Variants in MUC17 observed in about 807,000 individuals in gnomAD.
MUC17 encodes the protein mucin-17.
Under a neutral mutation model 170.3 loss-of-function variants are expected in MUC17, and 190 were observed. The observed-to-expected ratio is 1.12, with a 90% CI of 0.99 to 1.26. The LOEUF is 1.26. Ranked by LOEUF, MUC17 falls within the 50% of genes most tolerant of loss-of-function variation. The pLI is 0.00. For missense variants in MUC17, 6,415 were observed against 5,530.0 expected (o/e 1.16, Z -5.08); for synonymous variants, 2,325 against 2,002.5 (o/e 1.16, Z -4.30).
Position 101,054,178 on chromosome 7 carries a change from C to T in MUC17, c.13363+742C>T, listed in dbSNP as rs867675206. Among the ~76,000 whole-genome samples the T allele has an allele frequency of 3.3e-5, 5 of 150,124 alleles. No individual in the cohort carries two copies. In the South Asian group the frequency reaches 1.1e-3, roughly 32 times the overall value. ...TCCCACTCCAAAATGTTTGGCTCCA[C>T]AGCTAAAACCTTATTTCCATTACTG... is the stretch of plus-strand genomic sequence containing the variant. On this transcript the variant is annotated intron_variant, in intron 11 of 12. Coordinates refer to ENST00000306151, the MANE Select transcript of MUC17 (RefSeq NM_001040105.2).
At chr7:101,031,528 A>G (rs1794278430) in intron 2 of MUC17, 73 bp from the exon 3 acceptor site, 2 of 1,433,118 alleles carry the variant, frequency 1.4e-6, no homozygotes, top group Non-Finnish European at 1.9e-6. Flanking sequence ...TAAAAAGCCC[A>G]ACTACAACAA....
intron 1 of MUC17, among the ~76,000 whole-genome samples, chr7:101,023,133 T>G (rs902126102): frequency 6.6e-6 from 1 of 152,118 alleles, no homozygotes; most frequent in African/African-American, 2.4e-5. Flanking sequence ...CTGGCGTTCC[T>G]GGGCTGGTAG....
In MUC17 at chr7:101,038,730, T is replaced by A; in HGVS notation, c.7314T>A (p.Pro2438=). The A allele has an allele frequency of 1.2e-6, 2 of 1,612,988 alleles. No individual in the cohort carries two copies. The highest frequency in any genetic ancestry group is 2.2e-5 in the South Asian group (2 of 91,068). ...CTTCTACTGAAGCCAGTTCATCTCC[T>A]ACAACTGCTGAAGGTACCAGCATAC... ...VTTSTEASSS[P]TTAEGTSIPT... is the part of the protein sequence containing the mutation. The change falls in exon 3 of 13, where the codon CCT becomes CCA. Residue 2438 remains proline (P), a synonymous_variant. Transcript: ENST00000306151.
At chr7:101,047,252 T>A (rs1794858771) in intron 3 of MUC17, among the ~76,000 whole-genome samples, 1 of 152,124 alleles carries the variant, frequency 6.6e-6, no homozygotes, top group Admixed American at 6.5e-5. Context: ...ACAACGACCA[T>A]CTAATTCTCA....
chr7:101,032,120 C>G lies in MUC17; in HGVS notation c.704C>G (p.Thr235Ser), dbSNP rs777204968. The change falls in exon 3 of 13, where the codon ACC (threonine) becomes AGC (serine). Residue 235 changes from threonine (T) to serine (S), a missense_variant. Physicochemically the swap from Thr to Ser is moderately conservative, Grantham distance 58 (BLOSUM62 1). Transcript: ENST00000306151. ...TMKVASSEAI[T>S]LLTTPVEIST... ...AAGGTGGCCAGTTCAGAGGCTATCA[C>G]CCTTTTGACAACTCCTGTTGAAATC... 8 of 1,613,440 alleles carry G rather than the reference C, an allele frequency of 5.0e-6. No individual in the cohort carries two copies. The African/African-American group carries it at 1.1e-4, about 22-fold the overall frequency.
chr7:101,042,919 C>T lies in MUC17; in HGVS notation c.11503C>T (p.Leu3835Phe), dbSNP rs1448849460. 2 of 1,614,100 alleles carry T rather than the reference C, an allele frequency of 1.2e-6. No homozygotes were observed. The highest frequency in any genetic ancestry group is 1.7e-6 in the Non-Finnish European group (2 of 1,180,014). ...GATGAGTCCTTCTGAGGCCAGCACA[C>T]TTTCAACACCTCCTGGTGATACCAG... is the stretch of plus-strand genomic sequence containing the variant. Reference protein sequence around the residue: ...SVMSPSEASTLSTPPGDTSTP... With the variant: ...SVMSPSEASTFSTPPGDTSTP... The change falls in exon 3 of 13, where the codon CTT (leucine) becomes TTT (phenylalanine). Residue 3835 changes from leucine to phenylalanine, a missense_variant. Leu to Phe is a conservative substitution (Grantham distance 22). Coordinates refer to ENST00000306151, the MANE Select transcript of MUC17 (RefSeq NM_001040105.2).
rs1231009043 is a variant in MUC17, at chr7:101,037,195, C to G, written c.5779C>G (p.Pro1927Ala). The change falls in exon 3 of 13, where the codon CCA (proline) becomes GCA (alanine). Residue 1927 changes from proline (P) to alanine (A), a missense_variant. Pro to Ala is a conservative substitution (Grantham distance 27). Transcript: ENST00000306151. ...CTCAACTCCTAGGGAAGGAAGGCCT[C>G]CATTAACAAGTATACCTGTCAGCAC... is the stretch of plus-strand genomic sequence containing the variant. The part of the protein sequence containing the change: ...PTSTPREGRP[P>A]LTSIPVSTTT... 1 of 1,611,068 alleles carries G rather than the reference C, an allele frequency of 6.2e-7. No individual in the cohort carries two copies. The highest frequency in any genetic ancestry group is 2.2e-5 in the East Asian group (1 of 44,620).
chr7:101,031,926 C>T lies in MUC17; in HGVS notation c.510C>T (p.Pro170=), dbSNP rs767825541. Residue 170 remains proline (P), a synonymous_variant, in exon 3 of 13, where the codon CCC becomes CCT. Coordinates refer to ENST00000306151, the MANE Select transcript of MUC17 (RefSeq NM_001040105.2). ...TMAFVSTAPL[P]SFEAYTSLTY... ...CTTTTGTCAGCACTGCACCTCTTCC[C>T]AGTTTTGAGGCCTACACATCTTTAA... The T allele has an allele frequency of 2.5e-6, 4 of 1,614,082 alleles. No homozygotes were observed. The highest frequency in any genetic ancestry group is 3.4e-6 in the Non-Finnish European group (4 of 1,180,038).
Position 101,036,701 on chromosome 7 carries a change from T to TC in MUC17, c.5286dup (p.Ser1763GlnfsTer3), listed in dbSNP as rs1794493472. ...ATACCTGTCAGCACCACGCCGGTAC[T>TC]CAGTTCTGAGGCTAGCACCCTTTCA... On this transcript the variant is annotated frameshift_variant, in exon 3 of 13. Coordinates refer to ENST00000306151, the MANE Select transcript of MUC17 (RefSeq NM_001040105.2). LOFTEE classifies it high-confidence loss of function. 1 of 1,604,688 alleles carries TC rather than the reference T, an allele frequency of 6.2e-7. No homozygotes were observed. The highest frequency in any genetic ancestry group is 8.5e-7 in the Non-Finnish European group (1 of 1,177,044).
chr7:101,036,502 A>G lies in MUC17; in HGVS notation c.5086A>G (p.Thr1696Ala), dbSNP rs775359730. 6.4e-7 allele frequency: 1 copy of G among 1,563,438 alleles called. No homozygotes were observed. Among genetic ancestry groups the G allele is most frequent in the Non-Finnish European group, 8.7e-7 (1 of 1,152,358 alleles). Residue 1696 changes from threonine (T) to alanine (A), a missense_variant, in exon 3 of 13, where the codon ACT becomes GCT. Physicochemically the swap from Thr to Ala is moderately conservative, Grantham distance 58. Transcript: ENST00000306151. ...TEGRTPLTSI[T>A]VRTTPVASSA... ...AGGAAGAACTCCTTTAACAAGTATA[A>G]CTGTCAGAACAACACCGGTGGCCAG...
Position 101,042,217 on chromosome 7 carries a change from G to T in MUC17, c.10801G>T (p.Val3601Phe), listed in dbSNP as rs776830918. 2.5e-6 allele frequency: 4 copies of T among 1,614,108 alleles called. No homozygotes were observed. In the South Asian group the frequency reaches 4.4e-5, roughly 18 times the overall value. The change falls in exon 3 of 13, where the codon GTT (valine) becomes TTT (phenylalanine). Residue 3601 changes from valine to phenylalanine, a missense_variant. Coordinates refer to ENST00000306151, the MANE Select transcript of MUC17 (RefSeq NM_001040105.2). ...SEASTPSTPS[V>F]DRSTPVTTST... ...GGCTAGCACACCTTCCACTCCTTCTGTTGACAGAAGCACACCTGTGACCAC... is the reference window on the plus strand; with the variant it reads ...GGCTAGCACACCTTCCACTCCTTCTTTTGACAGAAGCACACCTGTGACCAC...
At chr7:101,020,659 GC>G (rs989254040) in intron 1 of MUC17, among the ~76,000 whole-genome samples, 18 of 152,152 alleles carry the variant, frequency 1.2e-4, no homozygotes, top group African/African-American at 3.9e-4. Context: ...CCTGCTGTGT[GC>G]CCCAGGAATG....
intron 1 of MUC17, among the ~76,000 whole-genome samples, chr7:101,023,919 G>A (rs1378167151): frequency 2.0e-5 from 3 of 151,254 alleles, no homozygotes; most frequent in Non-Finnish European, 4.4e-5. Flanking sequence ...TTTTAATAAC[G>A]ATCACTGTGA....
At chr7:101,047,093 T>A (rs1417137267) in intron 3 of MUC17, among the ~76,000 whole-genome samples, 3 of 115,834 alleles carry the variant, frequency 2.6e-5, no homozygotes, top group Non-Finnish European at 3.7e-5. Flanking sequence ...AAAAAAAAAA[T>A]TAAAATAAAT....
In MUC17 at chr7:101,039,420, T is replaced by A. The variant is rs1562814399; in HGVS notation, c.8004T>A (p.Thr2668=). The change falls in exon 3 of 13, where the codon ACT becomes ACA. Residue 2668 remains threonine (T), a synonymous_variant. Coordinates refer to ENST00000306151, the MANE Select transcript of MUC17 (RefSeq NM_001040105.2). The stretch of plus-strand genomic sequence containing the variant: ...CCAGGACACTTGTGACCACTTCCAC[T>A]GGAACCAGTTCATCTCCTACAACTG... The part of the protein sequence containing the change: ...VDTRTLVTTS[T]GTSSSPTTAE... 1 of 1,612,312 alleles carries A rather than the reference T, an allele frequency of 6.2e-7. No homozygotes were observed. The highest frequency in any genetic ancestry group is 8.5e-7 in the Non-Finnish European group (1 of 1,179,388).
chr7:101,038,143 A>C lies in MUC17; in HGVS notation c.6727A>C (p.Thr2243Pro), dbSNP rs942119343. 4 of 1,613,210 alleles carry C rather than the reference A, an allele frequency of 2.5e-6. No homozygotes were observed. Among genetic ancestry groups the C allele is most frequent in the Non-Finnish European group, 3.4e-6 (4 of 1,179,848 alleles). ...TTCTGAGGCTAGCACCCTTTCAGCAACTCCTGTTGACACCAGCACACCTGT... is the reference window on the plus strand; with the variant it reads ...TTCTGAGGCTAGCACCCTTTCAGCACCTCCTGTTGACACCAGCACACCTGT... ...VTSEASTLSA[T>P]PVDTSTPVTT... The change falls in exon 3 of 13, where the codon ACT (threonine) becomes CCT (proline). Residue 2243 changes from threonine (T) to proline (P), a missense_variant. Physicochemically the swap from Thr to Pro is conservative, Grantham distance 38 (BLOSUM62 -1). Coordinates refer to ENST00000306151, the MANE Select transcript of MUC17 (RefSeq NM_001040105.2).
At chr7:101,055,202 C>T (rs1401249698) in intron 11 of MUC17, among the ~76,000 whole-genome samples, 1 of 151,502 alleles carries the variant, frequency 6.6e-6, no homozygotes, top group African/African-American at 2.4e-5. Context: ...GCAAATATAT[C>T]ACAAATCATA....
chr7:101,034,055 C>T lies in MUC17; in HGVS notation c.2639C>T (p.Ser880Phe). The change falls in exon 3 of 13, where the codon TCT becomes TTT. Residue 880 changes from serine (S) to phenylalanine (F), a missense_variant. Ser to Phe is a radical substitution (Grantham distance 155). Transcript: ENST00000306151. ...GTCAGCACCACACTGGTGGCCACTT[C>T]TGCAATCAGCACCCTTTCAACAACT... The part of the protein sequence containing the change: ...MPVSTTLVAT[S>F]AISTLSTTPV... 1.2e-6 allele frequency: 2 copies of T among 1,602,078 alleles called. No individual in the cohort carries two copies. Among genetic ancestry groups the T allele is most frequent in the Non-Finnish European group, 8.5e-7 (1 of 1,173,378 alleles).
chr7:101,053,471 A>C, intron 11 of MUC17, 35 bp downstream of exon 11: 44 of 1,554,100 alleles, frequency 2.8e-5, no homozygotes, highest in Middle Eastern at 1.7e-4. Flanking sequence ...AGAATGGCTC[A>C]AAATGTGGAA....
Sources: allele counts gnomAD v4.1 joint callset (sites outside exome capture counted in the v4.1 genomes callset), GRCh38; gene constraint gnomAD v4.1.1; transcripts MANE v1.5; gene names NCBI Gene and HGNC (gene_info 2026-07-23, HGNC 2026-07-21).